NFKBIB: variants seen among roughly 807,000 people sequenced by gnomAD.
The protein encoded by NFKBIB is NFKB inhibitor beta.
NFKBIB carries 16 observed loss-of-function variants against 32.1 expected under a neutral mutation model. The ratio of observed to expected loss-of-function variants is 0.50; its 90% CI spans 0.34 to 0.76. The LOEUF (loss-of-function observed/expected upper bound fraction) is 0.76, where lower values mean the gene tolerates loss of function less well. NFKBIB is among the 30% of genes least tolerant of loss of function. The pLI is 0.01. For synonymous variants in NFKBIB, 222 were observed against 219.5 expected (o/e 1.01, Z -0.10); for missense variants, 437 against 514.9 (o/e 0.85, Z 1.46).
Position 38,907,641 on chromosome 19 carries a change from C to A in NFKBIB, c.951C>A (p.Ser317Arg), listed in dbSNP as rs372112776. Residue 317 changes from serine (S) to arginine (R), a missense_variant, in exon 5 of 6, where the codon AGC becomes AGA. Ser to Arg is a moderately radical substitution (Grantham distance 110, BLOSUM62 -1). Coordinates refer to ENST00000313582, the MANE Select transcript of NFKBIB (RefSeq NM_002503.5). ...GCCCCTGCAGCAGCAGTAGCGACAG[C>A]GACAGCGGAGACGAGGGCGTGAGTC... ...KSGPCSSSSD[S>R]DSGDEGDEYD... 7 of 1,607,192 alleles carry A rather than the reference C, an allele frequency of 4.4e-6. No individual in the cohort carries two copies. The highest frequency in any genetic ancestry group is 2.2e-5 in the East Asian group (1 of 44,620).
chr19:38,908,546 A>G, intron 5 of NFKBIB, 185 bp from the exon 6 acceptor site: 1 of 1,311,676 alleles, frequency 7.6e-7, no homozygotes, highest in Non-Finnish European at 9.7e-7. Flanking sequence ...CTTAAAAAAA[A>G]AAAAAAAAAA....
intron 1 of NFKBIB, among the ~76,000 whole-genome samples, chr19:38,900,608 C>T (rs924629612): frequency 2.0e-5 from 3 of 152,176 alleles, no homozygotes; most frequent in Non-Finnish European, 4.4e-5. Context: ...TACTTGGTCC[C>T]TGACTCTAAG....
At chr19:38,903,270 A>G (rs1169999591) in intron 1 of NFKBIB, among the ~76,000 whole-genome samples, 2 of 151,858 alleles carry the variant, frequency 1.3e-5, no homozygotes, top group African/African-American at 4.8e-5. Context: ...CATAGAGTAA[A>G]AGAAATTTAT....
At position 38,907,321 on chromosome 19, in the gene NFKBIB, C is replaced by G; in HGVS notation, c.708+12C>G. ...ACCTTGACAAACCGGTGAGCCCCAA[C>G]CTCGGGGAAGATGCCGTCGGCGGGA... On this transcript the variant is annotated intron_variant, in intron 4 of 5. Transcript: ENST00000313582. The G allele has an allele frequency of 2.5e-6, 4 of 1,609,988 alleles. No individual in the cohort carries two copies. The highest frequency in any genetic ancestry group is 3.4e-6 in the Non-Finnish European group (4 of 1,176,844).
At position 38,901,286 on chromosome 19, in the gene NFKBIB, A is replaced by G. The variant is rs189826170; in HGVS notation, c.179+1075A>G. ...TTAATTTTTTTTTACTTTCTATTCA[A>G]TTGGTCTCTGTTCTGACTTTTTTTT... On this transcript the variant is annotated intron_variant, in intron 1 of 5. Transcript: ENST00000313582. Among the ~76,000 whole-genome samples, 97 of 151,984 alleles carry G rather than the reference A, an allele frequency of 6.4e-4. 1 individual carries two copies. Among genetic ancestry groups the G allele is most frequent in the African/African-American group, 1.7e-3 (69 of 41,442 alleles).
At chr19:38,901,580 G>C (rs1362606560) in intron 1 of NFKBIB, among the ~76,000 whole-genome samples, 6 of 151,490 alleles carry the variant, frequency 4.0e-5, no homozygotes, top group Non-Finnish European at 7.4e-5. Context: ...TGAAACCTCT[G>C]ACTCCTGGGT....
chr19:38,907,340 G>A (rs377604569), intron 4 of NFKBIB, 31 bp downstream of exon 4: 74 of 1,605,398 alleles, frequency 4.6e-5, no homozygotes, highest in Non-Finnish European at 6.0e-5. Flanking sequence ...AGATGCCGTC[G>A]GCGGGAGGGG....
chr19:38,906,956 C>T (rs542172910), intron 3 of NFKBIB, among the ~76,000 whole-genome samples: 3 of 152,196 alleles, frequency 2.0e-5, no homozygotes, highest in African/African-American at 7.2e-5. Context: ...GCCCCAAAAT[C>T]CAGGCTCCCT....
Position 38,905,385 on chromosome 19 carries a change from GCCC to G in NFKBIB, c.472_474del (p.Pro158del), listed in dbSNP as rs766730808. On this transcript the variant is annotated inframe_deletion, in exon 3 of 6. Transcript: ENST00000313582. The surrounding 1 kb of genome is among the most constrained non-coding windows in gnomAD (Gnocchi z 5.5). The stretch of plus-strand genomic sequence containing the variant: ...GCCCCGCCCCCGGCGCCCCAGGGAA[GCCC>G]CCGACACCTACCTCGCTCAGGGCCC... 6 of 1,613,366 alleles carry G rather than the reference GCCC, an allele frequency of 3.7e-6. No individual in the cohort carries two copies. The Admixed American group carries it at 1.0e-4, about 27-fold the overall frequency.
At position 38,906,131 on chromosome 19, in the gene NFKBIB, CTTTTTTTTTTTTT is replaced by C. The variant is rs11300670; in HGVS notation, c.619+608_619+620del. 4.2e-4 allele frequency among the ~76,000 whole-genome samples: 41 copies of C among 97,376 alleles called. No individual in the cohort carries two copies. In the South Asian group the frequency reaches 6.4e-3, roughly 15 times the overall value. 63.9% of individuals were successfully genotyped at this position (97,376 alleles called of 152,430 possible). The stretch of plus-strand genomic sequence containing the variant: ...CACAGGCTTTTCAGCTACTTGGTAC[CTTTTTTTTTTTTT>C]TTTTTTTTTTTGAGACAGTCTCACT... On this transcript the variant is annotated intron_variant, in intron 3 of 5. Transcript: ENST00000313582.
chr19:38,908,350 C>A (rs910226727), intron 5 of NFKBIB: 3 of 857,690 alleles, frequency 3.5e-6, no homozygotes, highest in Admixed American at 5.9e-5. Flanking sequence ...ACCAGCCTGG[C>A]CAACATGGCA....
chr19:38,904,822 A>G (rs1014773305), intron 1 of NFKBIB, among the ~76,000 whole-genome samples, 193 bp from the exon 2 acceptor site: 2 of 152,114 alleles, frequency 1.3e-5, no homozygotes, highest in African/African-American at 4.8e-5. Flanking sequence ...GCAGAAGTGG[A>G]AATCCCACTG....
At position 38,908,776 on chromosome 19, in the gene NFKBIB, C is replaced by A; in HGVS notation, c.1015C>A (p.Arg339=). The A allele has an allele frequency of 6.2e-7, 1 of 1,613,778 alleles. No homozygotes were observed. The highest frequency in any genetic ancestry group is 8.5e-7 in the Non-Finnish European group (1 of 1,179,908). The change falls in exon 6 of 6, where the codon CGG becomes AGG. Residue 339 remains arginine (R), a synonymous_variant. Transcript: ENST00000313582. ...IVVHSSRSQT[R]LPPTPASKPL... Reference sequence around the variant, plus strand: ...GGTTCACAGCAGCCGCAGCCAAACCCGGCTGCCTCCCACCCCAGCCTCAAA... The same window carrying A: ...GGTTCACAGCAGCCGCAGCCAAACCAGGCTGCCTCCCACCCCAGCCTCAAA...
Position 38,900,058 on chromosome 19 carries a change from A to G in NFKBIB, c.26A>G (p.Lys9Arg). Reference sequence around the variant, plus strand: ...ATGGCTGGGGTCGCGTGCTTGGGAAAAGCTGCCGACGCAGATGAATGGTGC... The same window carrying G: ...ATGGCTGGGGTCGCGTGCTTGGGAAGAGCTGCCGACGCAGATGAATGGTGC... The part of the protein sequence containing the change: MAGVACLG[K>R]AADADEWCDS... Residue 9 changes from lysine to arginine, a missense_variant, in exon 1 of 6, where the codon AAA (lysine) becomes AGA (arginine). By Grantham distance (26) the Lys-to-Arg change is conservative. Transcript: ENST00000313582. 3 of 1,499,030 alleles carry G rather than the reference A, an allele frequency of 2.0e-6. No individual in the cohort carries two copies. Among genetic ancestry groups the G allele is most frequent in the Non-Finnish European group, 2.7e-6 (3 of 1,126,364 alleles). The allele number at this position is 1,499,030 out of a possible 1,614,324, so 92.9% of individuals were successfully genotyped here. A position where few individuals can be genotyped will look rare whatever the true frequency, so the allele number is the denominator to read the frequency against.
intron 1 of NFKBIB, among the ~76,000 whole-genome samples, chr19:38,902,081 A>ATTTATTTTTTTT (rs1220793422): frequency 3.5e-5 from 2 of 56,516 alleles, no homozygotes; most frequent in East Asian, 1.8e-3. Context: ...TTTTCATTTT[A>ATTTATTTTTTTT]TTTCTTTTTT....
At chr19:38,906,128 T>C (rs2144734951) in intron 3 of NFKBIB, among the ~76,000 whole-genome samples, 1 of 143,604 alleles carries the variant, frequency 7.0e-6, no homozygotes, top group East Asian at 2.1e-4. Flanking sequence ...AGCTACTTGG[T>C]ACCTTTTTTT....
chr19:38,904,204 G>A (rs565449793), intron 1 of NFKBIB, among the ~76,000 whole-genome samples: 5 of 152,270 alleles, frequency 3.3e-5, no homozygotes, highest in Non-Finnish European at 4.4e-5. Context: ...TGTTAGGTGG[G>A]TGTTGAGCAG....
In NFKBIB at chr19:38,907,507, G is replaced by A. The variant is rs762065761; in HGVS notation, c.817G>A (p.Gly273Ser). Residue 273 changes from glycine to serine, a missense_variant, in exon 5 of 6, where the codon GGT becomes AGT. Coordinates refer to ENST00000313582, the MANE Select transcript of NFKBIB (RefSeq NM_002503.5). The stretch of plus-strand genomic sequence containing the variant: ...CGCGAACCCTGCTGCCCGCATGTAC[G>A]GTGGCCGCACCCCACTCGGCAGTGC... ...AGANPAARMYGGRTPLGSAML... is the reference protein window; with the variant it reads ...AGANPAARMYSGRTPLGSAML... 9.3e-6 allele frequency: 15 copies of A among 1,612,474 alleles called. No individual in the cohort carries two copies. Among genetic ancestry groups the A allele is most frequent in the Admixed American group, 3.3e-5 (2 of 59,988 alleles).
chr19:38,906,167 A>C (rs1341270209), intron 3 of NFKBIB, among the ~76,000 whole-genome samples: 8 of 114,920 alleles, frequency 7.0e-5, no homozygotes, highest in Admixed American at 2.4e-4. Flanking sequence ...AGACAGTCTC[A>C]CTCTGTTGCC....
Sources: allele counts gnomAD v4.1 joint callset (sites outside exome capture counted in the v4.1 genomes callset), GRCh38; gene constraint gnomAD v4.1.1; non-coding constraint Gnocchi (gnomAD v3.1); transcripts MANE v1.5; gene names NCBI Gene and HGNC (gene_info 2026-07-23, HGNC 2026-07-21).